The following GOLGA7B variants were observed in gnomAD, a reference collection of about 807,000 sequenced individuals.
The protein encoded by GOLGA7B is golgin A7 family member B.
GOLGA7B carries 17 observed loss-of-function variants against 21.5 expected under a neutral mutation model. The observed-to-expected ratio is 0.79, with a 90% confidence interval of 0.54 to 1.19. The LOEUF (loss-of-function observed/expected upper bound fraction) is 1.19. GOLGA7B is among the 50% of genes most tolerant of loss of function. The pLI is 0.00. For missense variants in GOLGA7B, 169 were observed against 224.4 expected, an observed-to-expected ratio of 0.75 and a Z score of 1.58; for synonymous variants, 87 against 84.0, an observed-to-expected ratio of 1.04 and a Z score of -0.19.
chr10:97,853,037 TAAG>T (rs1201828421), intron 1 of GOLGA7B, among the ~76,000 whole-genome samples: 2 of 152,180 alleles, frequency 1.3e-5, no homozygotes, highest in Non-Finnish European at 2.9e-5. Flanking sequence ...GTTTGGTCTC[TAAG>T]AGATTTTTAA....
intron 1 of GOLGA7B, among the ~76,000 whole-genome samples, chr10:97,851,066 C>A (rs527749765): frequency 1.3e-5 from 2 of 152,232 alleles, no homozygotes; most frequent in East Asian, 3.9e-4. Context: ...CCCTTTCCCC[C>A]CTCATTTCAG....
rs756768647 is a variant in GOLGA7B at position 97,865,696 on chromosome 10, G to C, written c.500G>C (p.Arg167Pro). ...GGTGGGGGTGGTGGGGCGGGGGCCC[G>C]GTGACTGGCCGAGAGTCCCTGTAGG... The part of the protein sequence containing the change: ...SSGGGGGAGA[R>P] The change falls in exon 5 of 5, where the codon CGG (arginine) becomes CCG (proline). Residue 167 changes from arginine (R) to proline (P), a missense_variant. Coordinates refer to ENST00000370602, the MANE Select transcript of GOLGA7B (RefSeq NM_001010917.3). 6.2e-7 allele frequency: 1 copy of C among 1,604,382 alleles called. No homozygotes were observed. Among genetic ancestry groups the C allele is most frequent in the South Asian group, 1.1e-5 (1 of 89,862 alleles).
chr10:97,857,433 TGAG>T (rs2049943213), intron 1 of GOLGA7B, among the ~76,000 whole-genome samples: 1 of 150,732 alleles, frequency 6.6e-6, no homozygotes, highest in Admixed American at 6.6e-5. Context: ...AAGATCTCTA[TGAG>T]GAGAACTACA....
Position 97,859,161 on chromosome 10 carries a change from C to T in GOLGA7B, c.13-297C>T, listed in dbSNP as rs1000267667. Among the ~76,000 whole-genome samples, 4 of 152,358 alleles carry T rather than the reference C, an allele frequency of 2.6e-5. No homozygotes were observed. In the East Asian group the frequency reaches 7.7e-4, roughly 29 times the overall value. ...CTTTAACTCCTGGACTCCAGCAATG[C>T]TCCCACCTCAGCCTCCCAAAGTGCT... On this transcript the variant is annotated intron_variant, in intron 1 of 4. Transcript: ENST00000370602.
intron 4 of GOLGA7B, 60 bp downstream of exon 4, chr10:97,864,329 G>C: frequency 2.1e-6 from 3 of 1,458,208 alleles, no homozygotes; most frequent in Non-Finnish European, 1.9e-6. Context: ...AGAGATCCTG[G>C]TGAGGCTGCC....
chr10:97,850,228 C>A lies in GOLGA7B; in HGVS notation c.-76C>A. 3 of 1,169,672 alleles carry A rather than the reference C, an allele frequency of 2.6e-6. No individual in the cohort carries two copies. Among genetic ancestry groups the A allele is most frequent in the Admixed American group, 3.4e-5 (1 of 29,112 alleles). The allele number at this position is 1,169,672 out of a possible 1,614,324, so 72.5% of individuals were successfully genotyped here. On this transcript the variant is annotated 5_prime_UTR_variant, in exon 1 of 5. Coordinates refer to ENST00000370602, the MANE Select transcript of GOLGA7B (RefSeq NM_001010917.3). ...CCCAGCTCGCCGCCACCGCCGCCGC[C>A]CACCTGCTCCCGGGGTCAGCACCGC...
At chr10:97,856,141 C>T (rs1274472618) in intron 1 of GOLGA7B, among the ~76,000 whole-genome samples, 1 of 152,070 alleles carries the variant, frequency 6.6e-6, no homozygotes, top group Non-Finnish European at 1.5e-5. Flanking sequence ...GGGTATATTG[C>T]ATATTGGTGG....
Position 97,865,815 on chromosome 10 carries a change from G to T in GOLGA7B, c.*115G>T. ...AGTCATTCTTTGGGCTCACCCTGCTGCCCGGGGTGGGAGGGAGGGTGACGG... is the reference window on the plus strand; with the variant it reads ...AGTCATTCTTTGGGCTCACCCTGCTTCCCGGGGTGGGAGGGAGGGTGACGG... On this transcript the variant is annotated 3_prime_UTR_variant, in exon 5 of 5. Transcript: ENST00000370602. 1.5e-6 allele frequency: 1 copy of T among 688,824 alleles called. No individual in the cohort carries two copies. Among genetic ancestry groups the T allele is most frequent in the Non-Finnish European group, 2.2e-6 (1 of 455,688 alleles). The allele number at this position is 688,824 out of a possible 1,614,324, so 42.7% of individuals were successfully genotyped here.
rs2050028330 is a variant in GOLGA7B, at chr10:97,866,622, A to G, written c.*922A>G. ...TGTATGTGAGCGCGTGTGTGAGCGC[A>G]TGTGTGTGCACCAGTGCACAAGTGT... On this transcript the variant is annotated 3_prime_UTR_variant, in exon 5 of 5. Coordinates refer to ENST00000370602, the MANE Select transcript of GOLGA7B (RefSeq NM_001010917.3). 6.6e-6 allele frequency: 1 copy of G among 152,264 alleles called. No homozygotes were observed. Among genetic ancestry groups the G allele is most frequent in the Admixed American group, 6.5e-5 (1 of 15,286 alleles). 9.4% of individuals were successfully genotyped at this position (152,264 alleles called of 1,614,324 possible).
At position 97,859,565 on chromosome 10, in the gene GOLGA7B, C is replaced by A; in HGVS notation, c.120C>A (p.Pro40=). The A allele has an allele frequency of 6.2e-7, 1 of 1,614,118 alleles. No individual in the cohort carries two copies. Among genetic ancestry groups the A allele is most frequent in the Non-Finnish European group, 8.5e-7 (1 of 1,180,014 alleles). Residue 40 remains proline (P), a synonymous_variant, in exon 2 of 5, where the codon CCC becomes CCA. Transcript: ENST00000370602. ...GTICQFQTKF[P]PELDSRIERQ... ...TCTGTCAGTTCCAGACCAAATTCCC[C>A]CCAGAGCTGGACAGCCGGGTAAGGA...
chr10:97,865,443 G>C, intron 4 of GOLGA7B, 147 bp from the exon 5 acceptor site: 1 of 1,394,160 alleles, frequency 7.2e-7, no homozygotes. Flanking sequence ...CTTGGGGAGG[G>C]TCTAGCTCCC....
Position 97,865,880 on chromosome 10 carries a change from T to C in GOLGA7B, c.*180T>C. ...GTGGGCCATCAACCTATGCCCCCTG[T>C]CCCTCACCCCCGTCTGGATCAGTCC... On this transcript the variant is annotated 3_prime_UTR_variant, in exon 5 of 5. Transcript: ENST00000370602. 9.7e-7 allele frequency: 1 copy of C among 1,031,104 alleles called. No homozygotes were observed. The highest frequency in any genetic ancestry group is 1.8e-5 in the South Asian group (1 of 55,286). 63.9% of individuals were successfully genotyped at this position (1,031,104 alleles called of 1,614,324 possible).
chr10:97,863,844 C>T, intron 2 of GOLGA7B, 86 bp from the exon 3 acceptor site: 1 of 1,399,622 alleles, frequency 7.1e-7, no homozygotes, highest in Non-Finnish European at 9.8e-7. Context: ...ATCTACATGG[C>T]CCCACCATTG....
chr10:97,864,471 C>T (rs1428065350), intron 4 of GOLGA7B, among the ~76,000 whole-genome samples: 1 of 152,208 alleles, frequency 6.6e-6, no homozygotes, highest in Non-Finnish European at 1.5e-5. Context: ...ACTTGTTGGG[C>T]TGCATGTAAT....
At chr10:97,865,030 C>G (rs1207630466) in intron 4 of GOLGA7B, 2 of 152,656 alleles carry the variant, frequency 1.3e-5, no homozygotes, top group Non-Finnish European at 2.9e-5. Context: ...GTGAGAGGCA[C>G]TTGTTTTTAT....
intron 1 of GOLGA7B, among the ~76,000 whole-genome samples, chr10:97,855,723 A>G (rs934473333): frequency 3.9e-5 from 6 of 152,214 alleles, no homozygotes; most frequent in Admixed American, 3.9e-4. Flanking sequence ...TAAAACCTTA[A>G]CCAGAGCAGA....
intron 1 of GOLGA7B, among the ~76,000 whole-genome samples, chr10:97,851,012 T>C (rs1272357760): frequency 2.0e-5 from 3 of 152,094 alleles, no homozygotes; most frequent in African/African-American, 7.2e-5. Flanking sequence ...AATCTTGGTA[T>C]AATGCTTGAG....
intron 1 of GOLGA7B, among the ~76,000 whole-genome samples, chr10:97,855,132 C>A (rs551702427): frequency 3.9e-5 from 6 of 152,260 alleles, no homozygotes; most frequent in Non-Finnish European, 7.3e-5. Context: ...GCTAGCCAGT[C>A]GCTAGAGACA....
At chr10:97,851,847 C>G (rs903728551) in intron 1 of GOLGA7B, among the ~76,000 whole-genome samples, 2 of 152,234 alleles carry the variant, frequency 1.3e-5, no homozygotes, top group African/African-American at 4.8e-5. Flanking sequence ...GTCAAGACAG[C>G]GTTTCCAGGA....
Sources: gnomAD v4.1 joint callset for allele counts (sites outside exome capture counted in the v4.1 genomes callset) on GRCh38, gnomAD v4.1.1 for gene constraint, MANE v1.5 for transcripts, NCBI Gene and HGNC (gene_info 2026-07-23, HGNC 2026-07-21) for gene names.